ULK4: variants seen among roughly 807,000 people sequenced by gnomAD.
ULK4 encodes unc-51 like kinase 4.
In ULK4, 133 loss-of-function variants were observed where a neutral mutation model predicts 160.6. The observed-to-expected ratio is 0.83, with a 90% CI of 0.72 to 0.96. The LOEUF (loss-of-function observed/expected upper bound fraction) is 0.96. ULK4 is among the 40% of genes least tolerant of loss of function. ULK4 has a pLI of 0.00. For synonymous variants in ULK4, 534 were observed against 539.8 expected, an observed-to-expected ratio of 0.99 and a Z score of 0.15; for missense variants, 1,580 against 1,499.5, an observed-to-expected ratio of 1.05 and a Z score of -0.89.
chr3:41,810,652 T>C (rs993724910), intron 19 of ULK4, among the ~76,000 whole-genome samples: 2 of 152,188 alleles, frequency 1.3e-5, no homozygotes, highest in Admixed American at 1.3e-4. Flanking sequence ...CTATCTCTAT[T>C]TTAAAAAATT....
intron 34 of ULK4, among the ~76,000 whole-genome samples, chr3:41,454,634 T>C (rs2083500924): frequency 6.6e-6 from 1 of 152,078 alleles, no homozygotes; most frequent in South Asian, 2.1e-4. Flanking sequence ...AACAATAATT[T>C]GATTTTAAAA....
At chr3:41,819,120 T>C (rs1177155144) in intron 19 of ULK4, among the ~76,000 whole-genome samples, 2 of 152,194 alleles carry the variant, frequency 1.3e-5, no homozygotes, top group Non-Finnish European at 2.9e-5. Flanking sequence ...GTATCAATAA[T>C]TTTAAAGGGG....
chr3:41,772,199 A>G (rs866391708), intron 21 of ULK4, among the ~76,000 whole-genome samples: 4 of 152,164 alleles, frequency 2.6e-5, no homozygotes, highest in Admixed American at 6.6e-5. Flanking sequence ...GCTAGCAGAA[A>G]GCAAGAAATA....
chr3:41,462,499 C>A (rs148251609), intron 33 of ULK4, among the ~76,000 whole-genome samples: 1 of 152,214 alleles, frequency 6.6e-6, no homozygotes, highest in African/African-American at 2.4e-5. Context: ...TCCTGCCTTA[C>A]AGCATAATGC....
intron 30 of ULK4, among the ~76,000 whole-genome samples, chr3:41,653,702 C>T (rs1035016136): frequency 2.0e-5 from 3 of 152,222 alleles, no homozygotes; most frequent in Non-Finnish European, 4.4e-5. Context: ...CTCTGTCTCA[C>T]ATTCATCTCT....
chr3:41,873,232 T>TA (rs1697173493), intron 17 of ULK4, among the ~76,000 whole-genome samples: 6 of 149,316 alleles, frequency 4.0e-5, no homozygotes, highest in African/African-American at 1.0e-4. Flanking sequence ...TTCTTTTTTT[T>TA]TTTTTTTTTT....
chr3:41,486,961 C>T (rs143025448), intron 32 of ULK4, among the ~76,000 whole-genome samples: 25 of 152,084 alleles, frequency 1.6e-4, no homozygotes, highest in African/African-American at 5.8e-4. Flanking sequence ...CTGACAATAC[C>T]CGAAACAAAT....
intron 20 of ULK4, among the ~76,000 whole-genome samples, chr3:41,795,301 TATA>T (rs1166611389): frequency 6.6e-6 from 1 of 152,174 alleles, no homozygotes; most frequent in Non-Finnish European, 1.5e-5. Context: ...AGAGTAACTG[TATA>T]ATGATCTCAT....
intron 18 of ULK4, among the ~76,000 whole-genome samples, chr3:41,826,948 C>T (rs147172946): frequency 0.2 from 21,995 of 111,942 alleles, 5,848 homozygotes; most frequent in African/African-American, 0.59. Context: ...ACAGAAATTA[C>T]AACAAACTGT....
chr3:41,471,929 T>C (rs1331483250), intron 32 of ULK4, among the ~76,000 whole-genome samples: 2 of 130,892 alleles, frequency 1.5e-5, no homozygotes, highest in East Asian at 4.0e-4. Flanking sequence ...CTTAATGTTA[T>C]ATCTCAAAAA....
intron 25 of ULK4, among the ~76,000 whole-genome samples, chr3:41,706,834 A>ATATAT (rs1559498612): frequency 1.6e-5 from 2 of 124,814 alleles, no homozygotes; most frequent in African/African-American, 1.0e-4. Context: ...TCTCAAAAAA[A>ATATAT]AAAAAAAAAA....
intron 30 of ULK4, among the ~76,000 whole-genome samples, chr3:41,629,463 T>C (rs2033661909): frequency 6.6e-6 from 1 of 152,108 alleles, no homozygotes; most frequent in South Asian, 2.1e-4. Flanking sequence ...CCAGATGGCT[T>C]TTCTAACCTA....
At chr3:41,485,492 A>G (rs1314204178) in intron 32 of ULK4, among the ~76,000 whole-genome samples, 1 of 152,244 alleles carries the variant, frequency 6.6e-6, no homozygotes, top group African/African-American at 2.4e-5. Flanking sequence ...CCTTGAAAAT[A>G]AATCTGCTTT....
At chr3:41,389,265 T>C (rs1410291223) in intron 35 of ULK4, among the ~76,000 whole-genome samples, 1 of 152,142 alleles carries the variant, frequency 6.6e-6, no homozygotes, top group African/African-American at 2.4e-5. Context: ...CTTGAGGAGA[T>C]TTTGGGCTGA....
At chr3:41,293,416 C>G (rs995181098) in intron 35 of ULK4, among the ~76,000 whole-genome samples, 2 of 152,160 alleles carry the variant, frequency 1.3e-5, no homozygotes, top group Non-Finnish European at 1.5e-5. Context: ...TCCACTCACT[C>G]CGTAACCCAG....
chr3:41,757,583 T>A (rs1211326620), intron 21 of ULK4, among the ~76,000 whole-genome samples: 1 of 136,916 alleles, frequency 7.3e-6, no homozygotes, highest in African/African-American at 2.9e-5. Context: ...AGTGAGCCGA[T>A]ATCGTGCCAC....
At chr3:41,503,448 G>A (rs883640) in intron 32 of ULK4, among the ~76,000 whole-genome samples, 38,937 of 152,046 alleles carry the variant, frequency 0.26, 5,224 homozygotes, top group African/African-American at 0.31. Flanking sequence ...ACCTCAGGAT[G>A]TGTAAGACAC....
chr3:41,645,656 A>T (rs2034452558), intron 30 of ULK4, among the ~76,000 whole-genome samples: 1 of 152,072 alleles, frequency 6.6e-6, no homozygotes, highest in Non-Finnish European at 1.5e-5. Context: ...TGCTGAAAAA[A>T]ATGTATATTC....
intron 25 of ULK4, among the ~76,000 whole-genome samples, chr3:41,709,914 T>C (rs867834838): frequency 2.0e-5 from 3 of 152,296 alleles, no homozygotes; most frequent in South Asian, 2.1e-4. Flanking sequence ...ATCCCTTCTG[T>C]GTAATTCTCT....
Sources: allele counts gnomAD v4.1 joint callset (sites outside exome capture counted in the v4.1 genomes callset), GRCh38; gene constraint gnomAD v4.1.1; transcripts MANE v1.5; gene names NCBI Gene and HGNC (gene_info 2026-07-23, HGNC 2026-07-21).